Variants in ODAD2 observed in about 807,000 individuals in gnomAD.
ODAD2 encodes outer dynein arm docking complex subunit 2.
A neutral mutation model predicts 106.8 loss-of-function variants in ODAD2; 89 were observed. The ratio of observed to expected loss-of-function variants is 0.83; its 90% CI spans 0.70 to 0.99. The LOEUF is 0.99. Among genes scored for constraint, ODAD2 ranks in the 50% least tolerant of loss-of-function variants. ODAD2 has a pLI of 0.00. For missense variants in ODAD2, 1,168 were observed against 1,238.5 expected, an observed-to-expected ratio of 0.94 and a Z score of 0.85; for synonymous variants, 404 against 436.2, an observed-to-expected ratio of 0.93 and a Z score of 0.92.
At chr10:27,850,636 TA>T (rs1196806777) in intron 19 of ODAD2, among the ~76,000 whole-genome samples, 3 of 152,094 alleles carry the variant, frequency 2.0e-5, no homozygotes, top group Non-Finnish European at 4.4e-5. Context: ...TCTATAAATT[TA>T]TTCTCTAAGA....
chr10:27,838,088 G>A (rs1029871443), intron 19 of ODAD2, among the ~76,000 whole-genome samples: 6 of 152,140 alleles, frequency 3.9e-5, no homozygotes, highest in Non-Finnish European at 5.9e-5. Context: ...GTCTTAGGAG[G>A]GAATATTAAT....
In ODAD2 at chr10:27,882,233, G is replaced by GAAAGAAAGAAAT. The variant is rs1451039386; in HGVS notation, c.2611-19612_2611-19611insATTTCTTTCTTT. Among the ~76,000 whole-genome samples, 56 of 145,346 alleles carry GAAAGAAAGAAAT rather than the reference G, an allele frequency of 3.9e-4. No individual in the cohort carries two copies. In the South Asian group the frequency reaches 6.6e-3, roughly 17 times the overall value. ...AGAAAGAAAGAAAGAAAGAAAGAAA[G>GAAAGAAAGAAAT]AAATATGAACTCTCTGATCTCATTC... On this transcript the variant is annotated intron_variant, in intron 17 of 19. Coordinates refer to ENST00000305242, the MANE Select transcript of ODAD2 (RefSeq NM_018076.5).
At chr10:27,852,960 C>CAAAAAAAA (rs61548333) in intron 19 of ODAD2, among the ~76,000 whole-genome samples, 4 of 84,756 alleles carry the variant, frequency 4.7e-5, no homozygotes, top group African/African-American at 9.0e-5. Flanking sequence ...GACACAGTCT[C>CAAAAAAAA]AAAAAAAAAA....
At chr10:27,955,699 GTGT>G (rs1847677106) in intron 10 of ODAD2, among the ~76,000 whole-genome samples, 1 of 22,742 alleles carries the variant, frequency 4.4e-5, no homozygotes, top group African/African-American at 1.1e-4. Context: ...CAATTAAGGT[GTGT>G]GTGTGTGTGT....
intron 16 of ODAD2, among the ~76,000 whole-genome samples, chr10:27,922,765 G>A (rs193240469): frequency 1.3e-5 from 2 of 152,144 alleles, no homozygotes; most frequent in East Asian, 3.9e-4. Flanking sequence ...AATTAGCTAG[G>A]CATAGTGGTG....
intron 17 of ODAD2, among the ~76,000 whole-genome samples, chr10:27,884,357 A>G (rs1468684304): frequency 6.6e-6 from 1 of 152,190 alleles, no homozygotes; most frequent in East Asian, 1.9e-4. Context: ...TCAGATATCT[A>G]AAGAAAATGC....
intron 19 of ODAD2, 63 bp from the exon 20 acceptor site, chr10:27,812,688 A>T (rs1835836314): frequency 1.3e-6 from 2 of 1,492,398 alleles, no homozygotes; most frequent in Non-Finnish European, 1.8e-6. Flanking sequence ...AAAGACATAA[A>T]GTTAGGCTAG....
Position 27,983,871 on chromosome 10 carries a change from C to A in ODAD2, c.791G>T (p.Cys264Phe). 1 of 1,613,128 alleles carries A rather than the reference C, an allele frequency of 6.2e-7. No homozygotes were observed. The highest frequency in any genetic ancestry group is 2.2e-5 in the East Asian group (1 of 44,854). ...ATTTAAAAATACTCCTCCTGCACTG[C>A]AAGTAATGCACAGAGTCTCACCATC... is the stretch of plus-strand genomic sequence containing the variant. ...PHDGETLCIT[C>F]SAGGVFLNGG... is the part of the protein sequence containing the mutation. Residue 264 changes from cysteine (C) to phenylalanine (F), a missense_variant, in exon 6 of 20, where the codon TGC (cysteine) becomes TTC (phenylalanine). By Grantham distance (205) the Cys-to-Phe change is radical. This residue lies in a region of ODAD2 where 430 missense variants were observed against 452.2 expected (regional missense o/e 0.95). Transcript: ENST00000305242.
At chr10:27,997,239 T>C (rs1054964214) in intron 1 of ODAD2, among the ~76,000 whole-genome samples, 1 of 152,200 alleles carries the variant, frequency 6.6e-6, no homozygotes, top group African/African-American at 2.4e-5. Context: ...CATAAACATG[T>C]TCTGATGTGT....
At chr10:27,875,317 G>C (rs1346254984) in intron 17 of ODAD2, among the ~76,000 whole-genome samples, 1 of 152,048 alleles carries the variant, frequency 6.6e-6, no homozygotes, top group African/African-American at 2.4e-5. Context: ...CCTTTAGCTT[G>C]GAGAAGTTTG....
chr10:27,907,978 A>G (rs1215389262), intron 16 of ODAD2, among the ~76,000 whole-genome samples: 1 of 151,992 alleles, frequency 6.6e-6, no homozygotes, highest in Non-Finnish European at 1.5e-5. Context: ...TAAATCCATG[A>G]CACAGAAAAC....
intron 19 of ODAD2, among the ~76,000 whole-genome samples, chr10:27,858,420 C>A (rs1424586666): frequency 6.6e-6 from 1 of 152,150 alleles, no homozygotes; most frequent in Non-Finnish European, 1.5e-5. Flanking sequence ...GTACCCTGTT[C>A]TTTACAGTTT....
chr10:27,829,702 T>C (rs191216130), intron 19 of ODAD2, among the ~76,000 whole-genome samples: 5 of 152,346 alleles, frequency 3.3e-5, no homozygotes, highest in Admixed American at 6.5e-5. Flanking sequence ...AGCAACTAGA[T>C]ATTAATTTGT....
intron 12 of ODAD2, among the ~76,000 whole-genome samples, chr10:27,942,382 T>C (rs1846520177): frequency 6.6e-6 from 1 of 152,192 alleles, no homozygotes; most frequent in South Asian, 2.1e-4. Context: ...AGAAGTCTGG[T>C]GATATTTTTG....
intron 19 of ODAD2, among the ~76,000 whole-genome samples, chr10:27,832,071 C>T (rs968209259): frequency 3.3e-5 from 5 of 152,240 alleles, no homozygotes; most frequent in African/African-American, 9.6e-5. Flanking sequence ...CAGGGGCTAA[C>T]ACAGAGGTAA....
intron 16 of ODAD2, among the ~76,000 whole-genome samples, chr10:27,911,375 T>A (rs1048112654): frequency 6.6e-6 from 1 of 152,124 alleles, no homozygotes; most frequent in Non-Finnish European, 1.5e-5. Context: ...GACTACTGAT[T>A]TGGGGGTTAT....
At position 27,818,923 on chromosome 10, in the gene ODAD2, C is replaced by T. The variant is rs143095231; in HGVS notation, c.3022-6298G>A. Among the ~76,000 whole-genome samples the T allele has an allele frequency of 1.8e-4, 27 of 152,258 alleles. No homozygotes were observed. The East Asian group carries it at 4.8e-3, about 27-fold the overall frequency. ...AAGGGTATGGGTTTTGAGGTCACAGCATCTTGGATCTGTACTCTGACTCTC... is the reference window on the plus strand; with the variant it reads ...AAGGGTATGGGTTTTGAGGTCACAGTATCTTGGATCTGTACTCTGACTCTC... On this transcript the variant is annotated intron_variant, in intron 19 of 19. Coordinates refer to ENST00000305242, the MANE Select transcript of ODAD2 (RefSeq NM_018076.5).
chr10:27,901,551 C>T (rs890441804), intron 17 of ODAD2, among the ~76,000 whole-genome samples: 5 of 152,110 alleles, frequency 3.3e-5, no homozygotes, highest in African/African-American at 1.2e-4. Flanking sequence ...CACCGGTGTG[C>T]TGTATTCAGG....
chr10:27,879,950 T>C (rs1259150181), intron 17 of ODAD2, among the ~76,000 whole-genome samples: 1 of 152,202 alleles, frequency 6.6e-6, no homozygotes, highest in Non-Finnish European at 1.5e-5. Flanking sequence ...GAAGTTCCTC[T>C]GAAAATAAAC....
Sources: gnomAD v4.1 joint callset for allele counts (sites outside exome capture counted in the v4.1 genomes callset) on GRCh38, gnomAD v4.1.1 for gene constraint, gnomAD v4.1.1 regional missense constraint, MANE v1.5 for transcripts, NCBI Gene and HGNC (gene_info 2026-07-23, HGNC 2026-07-21) for gene names.